Variants in NELL1 observed in about 807,000 individuals in gnomAD.
NELL1 encodes protein kinase C-binding protein NELL1.
Under a neutral mutation model 107.4 loss-of-function variants are expected in NELL1, and 76 were observed. That is an observed-to-expected ratio of 0.71 (90% confidence interval 0.59 to 0.86). The LOEUF (loss-of-function observed/expected upper bound fraction) is 0.86. Ranked by LOEUF, NELL1 falls within the 40% of genes least tolerant of loss-of-function variation. NELL1 has a pLI of 0.00. For missense variants in NELL1, 1,024 were observed against 1,005.5 expected, an observed-to-expected ratio of 1.02 and a Z score of -0.25; for synonymous variants, 353 against 341.2, an observed-to-expected ratio of 1.03 and a Z score of -0.38.
At chr11:21,163,315 C>A (rs1590694995) in intron 13 of NELL1, among the ~76,000 whole-genome samples, 1 of 152,102 alleles carries the variant, frequency 6.6e-6, no homozygotes, top group Non-Finnish European at 1.5e-5. Flanking sequence ...CTTTTACAGT[C>A]TTGTTGAGAA....
At chr11:21,294,326 A>T (rs907313990) in intron 14 of NELL1, among the ~76,000 whole-genome samples, 1 of 152,056 alleles carries the variant, frequency 6.6e-6, no homozygotes, top group African/African-American at 2.4e-5. Flanking sequence ...ACTAGTCTCA[A>T]ATTTGAACTT....
intron 2 of NELL1, among the ~76,000 whole-genome samples, chr11:20,707,239 G>A (rs902026841): frequency 2.0e-5 from 3 of 152,140 alleles, no homozygotes; most frequent in African/African-American, 7.2e-5. Context: ...TCTTGGTGCT[G>A]TTTATTTTAG....
At chr11:21,439,622 G>A (rs1171918988) in intron 15 of NELL1, among the ~76,000 whole-genome samples, 13 of 152,096 alleles carry the variant, frequency 8.5e-5, no homozygotes, top group Non-Finnish European at 2.9e-5. Flanking sequence ...TTCTGCTTTT[G>A]GGATCATTTC....
chr11:20,695,435 A>G (rs930726668), intron 2 of NELL1, among the ~76,000 whole-genome samples: 4 of 152,142 alleles, frequency 2.6e-5, no homozygotes, highest in East Asian at 1.9e-4. Context: ...GGGTTTGCAT[A>G]GATGACTTTT....
intron 14 of NELL1, among the ~76,000 whole-genome samples, chr11:21,325,237 ATTCT>A (rs1850104580): frequency 6.6e-6 from 1 of 152,036 alleles, no homozygotes; most frequent in Non-Finnish European, 1.5e-5. Flanking sequence ...TGAATATATA[ATTCT>A]GTTTTCTGAC....
intron 15 of NELL1, among the ~76,000 whole-genome samples, chr11:21,502,037 A>G (rs1172832156): frequency 6.6e-6 from 1 of 152,170 alleles, no homozygotes; most frequent in Non-Finnish European, 1.5e-5. Flanking sequence ...CAGGAACAGA[A>G]TTTGCTGAAG....
At chr11:20,970,956 T>C (rs1456771820) in intron 12 of NELL1, among the ~76,000 whole-genome samples, 4 of 152,200 alleles carry the variant, frequency 2.6e-5, no homozygotes, top group African/African-American at 4.8e-5. Flanking sequence ...TTTTCAAACA[T>C]GGCTATGATG....
chr11:21,041,009 T>G (rs1382566851), intron 12 of NELL1, among the ~76,000 whole-genome samples: 1 of 152,220 alleles, frequency 6.6e-6, no homozygotes, highest in Non-Finnish European at 1.5e-5. Flanking sequence ...TTTCTCCTAT[T>G]TTATAAATAT....
intron 2 of NELL1, among the ~76,000 whole-genome samples, chr11:20,756,833 A>G (rs184520165): frequency 6.6e-6 from 1 of 152,236 alleles, no homozygotes; most frequent in Non-Finnish European, 1.5e-5. Flanking sequence ...GAACCATTGC[A>G]CTAGACTCCA....
At chr11:21,444,745 T>A (rs1853377303) in intron 15 of NELL1, among the ~76,000 whole-genome samples, 1 of 152,144 alleles carries the variant, frequency 6.6e-6, no homozygotes, top group African/African-American at 2.4e-5. Flanking sequence ...CCAATTATAC[T>A]CTTCTAGTTA....
At position 21,364,410 on chromosome 11, in the gene NELL1, CAAAAAAAAAAAAA is replaced by C. The variant is rs71034511; in HGVS notation, c.1550-6428_1550-6416del. 6.0e-3 allele frequency among the ~76,000 whole-genome samples: 454 copies of C among 75,604 alleles called. 16 individuals carry two copies. The South Asian group carries it at 0.14, about 23-fold the overall frequency. 49.6% of individuals were successfully genotyped at this position (75,604 alleles called of 152,430 possible). A position where few individuals can be genotyped will look rare whatever the true frequency, so the allele number is the denominator to read the frequency against. On this transcript the variant is annotated intron_variant, in intron 14 of 19. Transcript: ENST00000357134. ...TGGGAGACACAGCAAGACTCTGTCT[CAAAAAAAAAAAAA>C]AAAAAAAAAAAAAAGACTTCATTCC...
At chr11:21,077,416 G>A (rs1302166694) in intron 12 of NELL1, among the ~76,000 whole-genome samples, 2 of 152,104 alleles carry the variant, frequency 1.3e-5, no homozygotes, top group African/African-American at 4.8e-5. Context: ...TGACTGAGAG[G>A]AAGAAACCAC....
chr11:21,274,121 A>G (rs1172242487), intron 14 of NELL1, among the ~76,000 whole-genome samples: 1 of 152,220 alleles, frequency 6.6e-6, no homozygotes. Flanking sequence ...TTGGATAAAG[A>G]GTCCAGACCC....
At chr11:20,696,089 T>C (rs1365638579) in intron 2 of NELL1, among the ~76,000 whole-genome samples, 2 of 152,166 alleles carry the variant, frequency 1.3e-5, no homozygotes, top group East Asian at 3.8e-4. Context: ...TAGTAGTCTC[T>C]GAGGATCTTT....
intron 13 of NELL1, among the ~76,000 whole-genome samples, chr11:21,142,798 A>G (rs887741892): frequency 6.6e-6 from 1 of 152,138 alleles, no homozygotes; most frequent in African/African-American, 2.4e-5. Context: ...GGACACAATG[A>G]TCAAAGCCCA....
At chr11:21,073,933 C>A (rs984903448) in intron 12 of NELL1, among the ~76,000 whole-genome samples, 14 of 151,910 alleles carry the variant, frequency 9.2e-5, no homozygotes, top group African/African-American at 2.9e-4. Flanking sequence ...ACAACAACAA[C>A]AAAAAAGATT....
chr11:20,786,015 T>G (rs901175192), intron 3 of NELL1, among the ~76,000 whole-genome samples: 2 of 150,652 alleles, frequency 1.3e-5, no homozygotes, highest in East Asian at 3.9e-4. Context: ...CATTTTTCAT[T>G]GTAATAGAAA....
At chr11:21,553,204 G>A (rs946402487) in intron 16 of NELL1, among the ~76,000 whole-genome samples, 4 of 151,854 alleles carry the variant, frequency 2.6e-5, no homozygotes, top group African/African-American at 7.2e-5. Flanking sequence ...AGAATGATCT[G>A]TCAAAATAGA....
chr11:21,208,604 C>G (rs1301265135), intron 13 of NELL1, among the ~76,000 whole-genome samples: 1 of 152,024 alleles, frequency 6.6e-6, no homozygotes, highest in Non-Finnish European at 1.5e-5. Flanking sequence ...TCCTTTCTTC[C>G]CATATCCTTA....
Sources: allele counts gnomAD v4.1 joint callset (sites outside exome capture counted in the v4.1 genomes callset), GRCh38; gene constraint gnomAD v4.1.1; transcripts MANE v1.5; gene names NCBI Gene and HGNC (gene_info 2026-07-23, HGNC 2026-07-21).